Variants in PDIA5 observed in about 807,000 individuals in gnomAD.
PDIA5 encodes the protein protein disulfide-isomerase A5.
In PDIA5, 58 loss-of-function variants were observed where a neutral mutation model predicts 77.6. That is an observed-to-expected ratio of 0.75 (90% confidence interval 0.61 to 0.93). PDIA5 has a LOEUF of 0.93. PDIA5 is among the 40% of genes least tolerant of loss of function. PDIA5 has a pLI of 0.00. For missense variants in PDIA5, 630 were observed against 647.7 expected, an observed-to-expected ratio of 0.97 and a Z score of 0.30; for synonymous variants, 250 against 252.1, an observed-to-expected ratio of 0.99 and a Z score of 0.08.
chr3:123,157,057 GTGT>G (rs745305861), intron 15 of PDIA5, among the ~76,000 whole-genome samples: 1 of 152,194 alleles, frequency 6.6e-6, no homozygotes, highest in Non-Finnish European at 1.5e-5. Flanking sequence ...TGGGCCAGTG[GTGT>G]TGTGGCCTTT....
intron 7 of PDIA5, among the ~76,000 whole-genome samples, chr3:123,114,421 C>A (rs944519161): frequency 6.6e-6 from 1 of 152,190 alleles, no homozygotes; most frequent in Admixed American, 6.5e-5. Context: ...TGAATGTTCC[C>A]CGGCTCTATC....
At chr3:123,108,661 G>A (rs1359202392) in intron 6 of PDIA5, among the ~76,000 whole-genome samples, 1 of 151,056 alleles carries the variant, frequency 6.6e-6, no homozygotes, top group Non-Finnish European at 1.5e-5. Context: ...GCCGAGGCGG[G>A]TGGATCACAA....
chr3:123,096,428 AT>A (rs1291293282), intron 3 of PDIA5, among the ~76,000 whole-genome samples: 2 of 151,872 alleles, frequency 1.3e-5, no homozygotes, highest in African/African-American at 4.8e-5. Flanking sequence ...GGCTCAAGCA[AT>A]TCACCTGCCT....
chr3:123,079,505 C>G (rs1427399059), intron 1 of PDIA5, among the ~76,000 whole-genome samples: 1 of 152,156 alleles, frequency 6.6e-6, no homozygotes, highest in Non-Finnish European at 1.5e-5. Flanking sequence ...TTTAAAAACA[C>G]CATTTAAATA....
At chr3:123,161,622 TGGA>T in intron 16 of PDIA5, 167 bp downstream of exon 16, 1 of 738,070 alleles carries the variant, frequency 1.4e-6, no homozygotes, top group Non-Finnish European at 2.2e-6. Flanking sequence ...TTGACATTGT[TGGA>T]GGAGAGTCCC....
chr3:123,119,872 A>G (rs1576451640), intron 8 of PDIA5, among the ~76,000 whole-genome samples: 1 of 150,632 alleles, frequency 6.6e-6, no homozygotes, highest in East Asian at 1.9e-4. Flanking sequence ...TTCCTCCTCT[A>G]CAGATTTTTT....
Position 123,145,473 on chromosome 3 carries a change from C to G in PDIA5, c.911-49C>G, listed in dbSNP as rs764811043. 5 of 1,472,314 alleles carry G rather than the reference C, an allele frequency of 3.4e-6. No individual in the cohort carries two copies. The South Asian group carries it at 4.6e-5, about 13-fold the overall frequency. 91.2% of individuals were successfully genotyped at this position (1,472,314 alleles called of 1,614,324 possible). ...ACAGAGGCGGCGCAGGGGAGCATCC[C>G]GAGGGCCTCTGTGCCATAAGAATGG... On this transcript the variant is annotated intron_variant, in intron 11 of 16. Transcript: ENST00000316218.
In PDIA5 at chr3:123,067,147, G is replaced by T; in HGVS notation, c.-18G>T. 1 of 1,246,596 alleles carries T rather than the reference G, an allele frequency of 8.0e-7. No homozygotes were observed. The allele number at this position is 1,246,596 out of a possible 1,614,324, so 77.2% of individuals were successfully genotyped here. A position where few individuals can be genotyped will look rare whatever the true frequency, so the allele number is the denominator to read the frequency against. On this transcript the variant is annotated 5_prime_UTR_variant, in exon 1 of 17. Transcript: ENST00000316218. ...GCCGGAGTGGAGAAAGGAGCCAGCG[G>T]TGGGCAGCGCTGCTGGGATGGCGCG...
In PDIA5 at chr3:123,110,568, C is replaced by A. The variant is rs142393888; in HGVS notation, c.481-376C>A. On this transcript the variant is annotated intron_variant, in intron 6 of 16. Coordinates refer to ENST00000316218, the MANE Select transcript of PDIA5 (RefSeq NM_006810.4). ...AGGGGCAGCCTATTCAACAGCCTCACGGGACAAAAACCGCTCTTTGCCATC... is the reference window on the plus strand; with the variant it reads ...AGGGGCAGCCTATTCAACAGCCTCAAGGGACAAAAACCGCTCTTTGCCATC... Among the ~76,000 whole-genome samples the A allele has an allele frequency of 1.8e-3, 275 of 152,290 alleles. 8 individuals are homozygous for A. In the East Asian group the frequency reaches 0.041, roughly 23 times the overall value.
chr3:123,110,807 G>C (rs1934841778), intron 6 of PDIA5, 137 bp from the exon 7 acceptor site: 1 of 764,034 alleles, frequency 1.3e-6, no homozygotes, highest in Admixed American at 1.9e-5. Context: ...GCCAGCGTAT[G>C]CTTTCTGAAG....
Position 123,150,281 on chromosome 3 carries a change from C to T in PDIA5, c.1190C>T (p.Thr397Ile). 2 of 1,613,782 alleles carry T rather than the reference C, an allele frequency of 1.2e-6. No individual in the cohort carries two copies. The highest frequency in any genetic ancestry group is 1.7e-6 in the Non-Finnish European group (2 of 1,179,778). Reference protein sequence around the residue: ...PPEPTWEEQQTSVLHLVGDNF... With the variant: ...PPEPTWEEQQISVLHLVGDNF... ...GAGCCCACGTGGGAAGAGCAGCAGA[C>T]AAGCGTGTTGCACCTGGTGGGGGAC... Residue 397 changes from threonine to isoleucine, a missense_variant, in exon 14 of 17, where the codon ACA (threonine) becomes ATA (isoleucine). Transcript: ENST00000316218.
chr3:123,130,936 C>T (rs773266268), intron 11 of PDIA5, among the ~76,000 whole-genome samples: 21 of 152,184 alleles, frequency 1.4e-4, no homozygotes, highest in Non-Finnish European at 2.6e-4. Context: ...AAGCTGGAAG[C>T]ACCCTGAGAT....
intron 5 of PDIA5, among the ~76,000 whole-genome samples, chr3:123,105,547 C>T (rs555517315): frequency 6.6e-6 from 1 of 152,344 alleles, no homozygotes; most frequent in African/African-American, 2.4e-5. Flanking sequence ...TCCACTTGGA[C>T]AGGCAGGAAG....
rs1456776656 is a variant in PDIA5 at position 123,075,575 on chromosome 3, G to C, written c.42+8369G>C. 2.0e-5 allele frequency among the ~76,000 whole-genome samples: 3 copies of C among 152,142 alleles called. No homozygotes were observed. The East Asian group carries it at 5.8e-4, about 29-fold the overall frequency. On this transcript the variant is annotated intron_variant, in intron 1 of 16. Transcript: ENST00000316218. ...CAAGAGCCTTTTTTGTGGTGGTTGTGGGGAGGGCAGATTTCAGAGGGATGA... is the reference window on the plus strand; with the variant it reads ...CAAGAGCCTTTTTTGTGGTGGTTGTCGGGAGGGCAGATTTCAGAGGGATGA...
intron 15 of PDIA5, among the ~76,000 whole-genome samples, chr3:123,158,798 T>C (rs1347256065): frequency 6.6e-6 from 1 of 152,180 alleles, no homozygotes; most frequent in African/African-American, 2.4e-5. Context: ...ATCGTAGGTG[T>C]TCTGTGTTGC....
Position 123,105,739 on chromosome 3 carries a change from G to GCA in PDIA5, c.388-987_388-986dup, listed in dbSNP as rs3080448. Among the ~76,000 whole-genome samples, 497 of 149,970 alleles carry GCA rather than the reference G, an allele frequency of 3.3e-3. 5 individuals carry two copies. Among genetic ancestry groups the GCA allele is most frequent in the African/African-American group, 0.01 (415 of 40,948 alleles). On this transcript the variant is annotated intron_variant, in intron 5 of 16. Coordinates refer to ENST00000316218, the MANE Select transcript of PDIA5 (RefSeq NM_006810.4). ...CTTTCTCATCTCAGGCCACACACAC[G>GCA]CACACACACACACACACACACACAT...
At chr3:123,098,919 A>G (rs1934512491) in intron 3 of PDIA5, among the ~76,000 whole-genome samples, 1 of 152,248 alleles carries the variant, frequency 6.6e-6, no homozygotes, top group African/African-American at 2.4e-5. Flanking sequence ...GGAGGTAGGC[A>G]GTAGATCAAT....
At position 123,067,057 on chromosome 3, in the gene PDIA5, C is replaced by G. The variant is rs1489497280; in HGVS notation, c.-108C>G. 2.2e-6 allele frequency: 2 copies of G among 927,122 alleles called. No homozygotes were observed. Among genetic ancestry groups the G allele is most frequent in the South Asian group, 5.4e-5 (1 of 18,660 alleles). The allele number at this position is 927,122 out of a possible 1,614,324, so 57.4% of individuals were successfully genotyped here. A position where few individuals can be genotyped will look rare whatever the true frequency, so the allele number is the denominator to read the frequency against. On this transcript the variant is annotated 5_prime_UTR_variant, in exon 1 of 17. Coordinates refer to ENST00000316218, the MANE Select transcript of PDIA5 (RefSeq NM_006810.4). Reference sequence around the variant, plus strand: ...GCACCGGGAACTCGGAGGCGGGGAGCGGCTGGGAAGTGGCCGTGGTGGTTG... The same window carrying G: ...GCACCGGGAACTCGGAGGCGGGGAGGGGCTGGGAAGTGGCCGTGGTGGTTG...
chr3:123,078,914 G>A (rs1489768865), intron 1 of PDIA5, among the ~76,000 whole-genome samples: 1 of 152,192 alleles, frequency 6.6e-6, no homozygotes, highest in Non-Finnish European at 1.5e-5. Context: ...CCTTAGTTAA[G>A]GGGGTTTCTG....
Sources: allele counts gnomAD v4.1 joint callset (sites outside exome capture counted in the v4.1 genomes callset), GRCh38; gene constraint gnomAD v4.1.1; transcripts MANE v1.5; gene names NCBI Gene and HGNC (gene_info 2026-07-23, HGNC 2026-07-21).